PARP6: variants seen among roughly 807,000 people sequenced by gnomAD.
PARP6 encodes the protein poly(ADP-ribose) polymerase family member 6, also known as protein mono-ADP-ribosyltransferase PARP6.
In PARP6, 27 loss-of-function variants were observed where a neutral mutation model predicts 92.0. The observed-to-expected ratio is 0.29, with a 90% CI of 0.22 to 0.40. The LOEUF (loss-of-function observed/expected upper bound fraction) is 0.40, where lower values mean the gene tolerates loss of function less well. Ranked by LOEUF, PARP6 falls within the 10% of genes least tolerant of loss-of-function variation. The probability of loss-of-function intolerance (pLI) is 1.00; values close to 1 mark genes in which losing one functional copy is unlikely to be tolerated. For missense variants in PARP6, 501 were observed against 784.5 expected (o/e 0.64, Z 4.32); for synonymous variants, 272 against 281.2 (o/e 0.97, Z 0.33).
rs1425594112 is a variant in PARP6 at position 72,265,973 on chromosome 15, G to T, written c.100C>A (p.Leu34Met). Residue 34 changes from leucine (L) to methionine (M), a missense_variant, in exon 5 of 24, where the codon CTG becomes ATG. By Grantham distance (15) the Leu-to-Met change is conservative (BLOSUM62 2). Transcript: ENST00000569795. ...GCATCAAGCTGTGGGTGTCGATACA[G>T]GTCAGCTGCACAGCTCCCCTGAGAT... ...YGVQGSCAAD[L>M]YRHPQLDADI... is the part of the protein sequence containing the mutation. 1 of 1,613,566 alleles carries T rather than the reference G, an allele frequency of 6.2e-7. No homozygotes were observed. Among genetic ancestry groups the T allele is most frequent in the Non-Finnish European group, 8.5e-7 (1 of 1,179,668 alleles).
intron 15 of PARP6, 105 bp from the exon 16 acceptor site, chr15:72,253,609 A>C: frequency 1.1e-6 from 1 of 891,460 alleles, no homozygotes; most frequent in Admixed American, 2.0e-5. Flanking sequence ...GGTAGGCACC[A>C]AAGGCCACAC....
intron 19 of PARP6, 136 bp from the exon 20 acceptor site, chr15:72,249,450 C>T: frequency 1.9e-6 from 1 of 527,570 alleles, no homozygotes. Context: ...CACCTATTCT[C>T]GGAAAGCCAA....
chr15:72,262,261 C>T (rs1331138495), intron 8 of PARP6, among the ~76,000 whole-genome samples: 1 of 152,170 alleles, frequency 6.6e-6, no homozygotes, highest in Non-Finnish European at 1.5e-5. Flanking sequence ...ATCCTTATTA[C>T]CTTCTTTAAG....
chr15:72,265,934 C>A lies in PARP6; in HGVS notation c.139G>T (p.Val47Leu), dbSNP rs368775361. ...GAGTTCTCACTGTAGATCTCCTTCA[C>A]GGCTTCAATGTCTGCATCAAGCTGT... ...HPQLDADIEA[V>L]KEIYSENSVS... The change falls in exon 5 of 24, where the codon GTG becomes TTG. Residue 47 changes from valine (V) to leucine (L), a missense_variant. This residue lies in a region of PARP6 where 291 missense variants were observed against 352.0 expected (regional missense o/e 0.83). Coordinates refer to ENST00000569795, the MANE Select transcript of PARP6 (RefSeq NM_001323532.2). The A allele has an allele frequency of 5.0e-6, 8 of 1,613,882 alleles. No homozygotes were observed. The highest frequency in any genetic ancestry group is 6.8e-6 in the Non-Finnish European group (8 of 1,179,834).
chr15:72,262,753 T>C (rs1250647379), intron 8 of PARP6, among the ~76,000 whole-genome samples: 2 of 152,238 alleles, frequency 1.3e-5, no homozygotes, highest in African/African-American at 2.4e-5. Flanking sequence ...TTGCAGAACC[T>C]GCCCTCCTTT....
chr15:72,265,957 T>C lies in PARP6; in HGVS notation c.116A>G (p.Gln39Arg). ...SCAADLYRHP[Q>R]LDADIEAVKE... ...CACGGCTTCAATGTCTGCATCAAGC[T>C]GTGGGTGTCGATACAGGTCAGCTGC... is the stretch of plus-strand genomic sequence containing the variant. Residue 39 changes from glutamine (Q) to arginine (R), a missense_variant, in exon 5 of 24, where the codon CAG (glutamine) becomes CGG (arginine). By Grantham distance (43) the Gln-to-Arg change is conservative. Around this residue, in one of 4 missense-constraint regions of PARP6, gnomAD observed 291 missense variants for 352.0 expected, o/e 0.83. Coordinates refer to ENST00000569795, the MANE Select transcript of PARP6 (RefSeq NM_001323532.2). 1 of 1,614,098 alleles carries C rather than the reference T, an allele frequency of 6.2e-7. No homozygotes were observed. Among genetic ancestry groups the C allele is most frequent in the Non-Finnish European group, 8.5e-7 (1 of 1,179,986 alleles).
intron 11 of PARP6, 29 bp from the exon 12 acceptor site, chr15:72,258,161 T>C (rs762752041): frequency 6.8e-7 from 1 of 1,480,088 alleles, no homozygotes; most frequent in East Asian, 2.3e-5. Flanking sequence ...CTAAGTCTTT[T>C]GGAAGTACTG....
intron 2 of PARP6, 87 bp from the exon 3 acceptor site, chr15:72,267,758 T>C: frequency 1.7e-5 from 4 of 231,338 alleles, no homozygotes; most frequent in Non-Finnish European, 3.3e-5. Flanking sequence ...ATCAATACAC[T>C]TTTTTTTTTT....
intron 18 of PARP6, chr15:72,250,420 C>T (rs1349259613): frequency 1.8e-5 from 6 of 326,326 alleles, no homozygotes; most frequent in Admixed American, 4.3e-5. Context: ...ACAAATTTAT[C>T]ACTGACCCCA....
intron 2 of PARP6, 55 bp from the exon 3 acceptor site, chr15:72,267,726 A>AT: frequency 2.0e-6 from 1 of 508,120 alleles, no homozygotes; most frequent in Non-Finnish European, 3.5e-6. Context: ...TGGGTGGTGT[A>AT]TATATACAGG....
In PARP6 at chr15:72,261,652, T is replaced by C; in HGVS notation, c.451A>G (p.Lys151Glu). Reference sequence around the variant, plus strand: ...CTGTGCCTCTTCTCCTGCTGGGTCTTCAAGAAATCATTGCTCAGATGTTTC... The same window carrying C: ...CTGTGCCTCTTCTCCTGCTGGGTCTCCAAGAAATCATTGCTCAGATGTTTC... ...QWKHLSNDFLKTQQEKRHSWF... is the reference protein window; with the variant it reads ...QWKHLSNDFLETQQEKRHSWF... The change falls in exon 9 of 24, where the codon AAG (lysine) becomes GAG (glutamate). Residue 151 changes from lysine (K) to glutamate (E), a missense_variant. Around this residue, in one of 4 missense-constraint regions of PARP6, gnomAD observed 291 missense variants for 352.0 expected, o/e 0.83. Transcript: ENST00000569795. 1 of 1,614,012 alleles carries C rather than the reference T, an allele frequency of 6.2e-7. No homozygotes were observed. The highest frequency in any genetic ancestry group is 8.5e-7 in the Non-Finnish European group (1 of 1,179,930).
At chr15:72,262,839 C>A (rs988380634) in intron 8 of PARP6, among the ~76,000 whole-genome samples, 3 of 152,200 alleles carry the variant, frequency 2.0e-5, no homozygotes, top group African/African-American at 7.2e-5. Context: ...GCCTACCCTG[C>A]TGGTTTCTTT....
chr15:72,253,390 T>G, intron 16 of PARP6, 47 bp downstream of exon 16: 1 of 1,445,508 alleles, frequency 6.9e-7, no homozygotes, highest in Non-Finnish European at 9.7e-7. Context: ...GTCCAATAAC[T>G]CCCTCCCTCC....
intron 12 of PARP6, among the ~76,000 whole-genome samples, 166 bp from the exon 13 acceptor site, chr15:72,257,606 A>G (rs1162647471): frequency 1.3e-5 from 2 of 152,204 alleles, no homozygotes; most frequent in Admixed American, 1.3e-4. Flanking sequence ...TGCCTTACTG[A>G]TAAGTTTGGG....
intron 3 of PARP6, chr15:72,267,061 G>T: frequency 1.9e-6 from 1 of 524,470 alleles, no homozygotes; most frequent in South Asian, 2.4e-5. Context: ...AGGGAATTTT[G>T]GCCTTCTGAA....
chr15:72,250,113 C>T, intron 18 of PARP6, 21 bp from the exon 19 acceptor site: 2 of 1,517,614 alleles, frequency 1.3e-6, no homozygotes, highest in South Asian at 2.2e-5. Context: ...GGGTAGAATA[C>T]ATGTCTCCTT....
chr15:72,264,890 G>A (rs2086373903), intron 7 of PARP6, among the ~76,000 whole-genome samples, 191 bp downstream of exon 7: 1 of 152,202 alleles, frequency 6.6e-6, no homozygotes, highest in African/African-American at 2.4e-5. Flanking sequence ...TAGGCAAGAA[G>A]GCCTTTAGGG....
chr15:72,241,753 C>A lies in PARP6; in HGVS notation c.1790+148G>T. On this transcript the variant is annotated intron_variant, in intron 23 of 23. Transcript: ENST00000569795. The surrounding 1 kb of genome is among the most constrained non-coding windows in gnomAD (Gnocchi z 4.1). ...CCAACCATCTATACCCATTCCCATCCTCCAATGGTAAAGTCCCAGTGACAG... is the reference window on the plus strand; with the variant it reads ...CCAACCATCTATACCCATTCCCATCATCCAATGGTAAAGTCCCAGTGACAG... 1 of 762,058 alleles carries A rather than the reference C, an allele frequency of 1.3e-6. No homozygotes were observed. The highest frequency in any genetic ancestry group is 2.3e-6 in the Non-Finnish European group (1 of 440,418). The allele number at this position is 762,058 out of a possible 1,614,324, so 47.2% of individuals were successfully genotyped here.
intron 20 of PARP6, among the ~76,000 whole-genome samples, chr15:72,248,246 G>A (rs2083877978): frequency 6.6e-6 from 1 of 151,796 alleles, no homozygotes; most frequent in African/African-American, 2.4e-5. Flanking sequence ...TTATTTCACA[G>A]GTGTTAGTTC....
Sources: gnomAD v4.1 joint callset for allele counts (sites outside exome capture counted in the v4.1 genomes callset) on GRCh38, gnomAD v4.1.1 for gene constraint, gnomAD v4.1.1 regional missense constraint, Gnocchi (gnomAD v3.1) non-coding constraint, MANE v1.5 for transcripts, NCBI Gene and HGNC (gene_info 2026-07-23, HGNC 2026-07-21) for gene names.